The following SNTG2 variants were observed in gnomAD, a reference collection of about 807,000 sequenced individuals.
The protein encoded by SNTG2 is syntrophin gamma 2.
Under a neutral mutation model 70.9 loss-of-function variants are expected in SNTG2, and 74 were observed. The ratio of observed to expected loss-of-function variants is 1.04; its 90% CI spans 0.86 to 1.27. The LOEUF (loss-of-function observed/expected upper bound fraction) is 1.27. Among genes scored for constraint, SNTG2 ranks in the 50% most tolerant of loss-of-function variants. The pLI is 0.00. For synonymous variants in SNTG2, 278 were observed against 273.8 expected (o/e 1.02, Z -0.15); for missense variants, 717 against 690.7 (o/e 1.04, Z -0.43).
intron 1 of SNTG2, among the ~76,000 whole-genome samples, chr2:1,000,244 C>A (rs1355044263): frequency 6.6e-6 from 1 of 151,414 alleles, no homozygotes; most frequent in African/African-American, 2.4e-5. Context: ...AAGAACAAAC[C>A]AAACCCAAAG....
At position 1,097,044 on chromosome 2, in the gene SNTG2, T is replaced by A. The variant is rs1319468821; in HGVS notation, c.211-1152T>A. 1.3e-5 allele frequency among the ~76,000 whole-genome samples: 2 copies of A among 152,234 alleles called. No homozygotes were observed. Among genetic ancestry groups the A allele is most frequent in the Non-Finnish European group, 2.9e-5 (2 of 68,044 alleles). Reference sequence around the variant, plus strand: ...ATTTTTGTCAGTTAAAAATACTATATGTCCAAAAAGGATCGAAATGGTAAA... The same window carrying A: ...ATTTTTGTCAGTTAAAAATACTATAAGTCCAAAAAGGATCGAAATGGTAAA... On this transcript the variant is annotated intron_variant, in intron 2 of 16. Transcript: ENST00000308624. This position sits in a 1 kb window ranked among gnomAD's most constrained non-coding sequence, Gnocchi z 4.1.
At chr2:1,032,502 A>G (rs1306567413) in intron 1 of SNTG2, among the ~76,000 whole-genome samples, 4 of 152,206 alleles carry the variant, frequency 2.6e-5, no homozygotes, top group Non-Finnish European at 5.9e-5. Context: ...GGTAATTGGG[A>G]CACTTTCAAT....
chr2:1,034,184 A>G (rs536873672), intron 1 of SNTG2, among the ~76,000 whole-genome samples: 2 of 151,942 alleles, frequency 1.3e-5, no homozygotes, highest in East Asian at 3.9e-4. Context: ...ATGTGTTCTC[A>G]TCATTTAGCT....
At chr2:1,145,692 A>C in intron 6 of SNTG2, among the ~76,000 whole-genome samples, 1 of 152,250 alleles carries the variant, frequency 6.6e-6, no homozygotes, top group Non-Finnish European at 1.5e-5. Context: ...AACACTTCCT[A>C]GTGCATTCCA....
chr2:1,112,285 C>T (rs1442556770), intron 4 of SNTG2, among the ~76,000 whole-genome samples: 2 of 151,198 alleles, frequency 1.3e-5, no homozygotes, highest in African/African-American at 2.5e-5. Context: ...TGAGGTTTAA[C>T]CCTTACAGTC....
chr2:1,090,057 AT>A (rs1466309090), intron 2 of SNTG2, among the ~76,000 whole-genome samples: 2 of 152,116 alleles, frequency 1.3e-5, no homozygotes, highest in African/African-American at 4.8e-5. Flanking sequence ...CAGACAACAT[AT>A]TTTTTGTGTG....
At chr2:1,067,845 G>A (rs35546657) in intron 1 of SNTG2, among the ~76,000 whole-genome samples, 26,988 of 152,146 alleles carry the variant, frequency 0.18, 2,470 homozygotes, top group South Asian at 0.22. Context: ...GTGCAACACA[G>A]GCTTCTGTAC....
At chr2:1,239,808 A>G (rs764761484) in intron 11 of SNTG2, 32 bp downstream of exon 11, 4 of 1,603,322 alleles carry the variant, frequency 2.5e-6, no homozygotes, top group Non-Finnish European at 3.4e-6. Flanking sequence ...TCATGATGTA[A>G]CACATCAGGT....
At chr2:1,102,479 G>A (rs1178271289) in intron 4 of SNTG2, 1 of 152,258 alleles carries the variant, frequency 6.6e-6, no homozygotes, top group East Asian at 1.9e-4. Flanking sequence ...GCTGCTGAAG[G>A]GTGGGCTGCG....
At chr2:1,317,789 C>T (rs1313797986) in intron 16 of SNTG2, among the ~76,000 whole-genome samples, 1 of 151,754 alleles carries the variant, frequency 6.6e-6, no homozygotes, top group Non-Finnish European at 1.5e-5. Context: ...GATTCTGGAG[C>T]ATTTCAGGGT....
intron 13 of SNTG2, among the ~76,000 whole-genome samples, chr2:1,263,455 A>G (rs1383999710): frequency 6.6e-6 from 1 of 152,180 alleles, no homozygotes; most frequent in Non-Finnish European, 1.5e-5. Flanking sequence ...TTGTTTCATA[A>G]TAAATATAAA....
At chr2:1,133,898 A>T (rs1668183279) in intron 4 of SNTG2, among the ~76,000 whole-genome samples, 1 of 150,866 alleles carries the variant, frequency 6.6e-6, no homozygotes, top group African/African-American at 2.4e-5. Flanking sequence ...GACTTCAAGA[A>T]TGAAGCCGCG....
intron 9 of SNTG2, among the ~76,000 whole-genome samples, chr2:1,236,908 A>G (rs1247816383): frequency 6.6e-6 from 1 of 151,934 alleles, no homozygotes; most frequent in African/African-American, 2.4e-5. Flanking sequence ...CCATGGAGGT[A>G]TTATGAGTCA....
chr2:1,362,561 A>C (rs1661246432), intron 16 of SNTG2, among the ~76,000 whole-genome samples: 1 of 151,690 alleles, frequency 6.6e-6, no homozygotes, highest in South Asian at 2.1e-4. Flanking sequence ...TTTCAATAGA[A>C]CTTCCATGAA....
chr2:1,233,181 C>T lies in SNTG2; in HGVS notation c.720-4707C>T, dbSNP rs28493425. Among the ~76,000 whole-genome samples, 1,427 of 152,252 alleles carry T rather than the reference C, an allele frequency of 9.4e-3. 18 individuals are homozygous for T. The highest frequency in any genetic ancestry group is 0.032 in the African/African-American group (1,316 of 41,528). ...ACTTTCTCCGGCATTGAAGCTTTGA[C>T]GAGCAATTAAGAATTCTCAGTTTTT... On this transcript the variant is annotated intron_variant, in intron 9 of 16. Transcript: ENST00000308624.
intron 11 of SNTG2, among the ~76,000 whole-genome samples, chr2:1,241,728 G>A (rs1677066136): frequency 1.3e-5 from 2 of 152,174 alleles, no homozygotes; most frequent in Non-Finnish European, 1.5e-5. Flanking sequence ...CCGCTATGGA[G>A]CACATTGAAG....
intron 1 of SNTG2, among the ~76,000 whole-genome samples, chr2:1,079,335 A>G (rs1289251238): frequency 6.6e-6 from 1 of 152,252 alleles, no homozygotes; most frequent in Non-Finnish European, 1.5e-5. Flanking sequence ...ACGGCAAATA[A>G]TTCTCTCTGG....
At chr2:1,341,231 C>G (rs1019495228) in intron 16 of SNTG2, 1 of 152,194 alleles carries the variant, frequency 6.6e-6, no homozygotes, top group African/African-American at 2.4e-5. Flanking sequence ...CTGTACACAT[C>G]AGGAAGCTCA....
At chr2:1,053,117 C>T (rs191077999) in intron 1 of SNTG2, among the ~76,000 whole-genome samples, 1 of 152,172 alleles carries the variant, frequency 6.6e-6, no homozygotes, top group East Asian at 1.9e-4. Flanking sequence ...GCGTTTTGTC[C>T]ACGTAGGAAG....
Sources: allele counts gnomAD v4.1 joint callset (sites outside exome capture counted in the v4.1 genomes callset), GRCh38; gene constraint gnomAD v4.1.1; non-coding constraint Gnocchi (gnomAD v3.1); transcripts MANE v1.5; gene names NCBI Gene and HGNC (gene_info 2026-07-23, HGNC 2026-07-21).